LRRTM4: variants seen among roughly 807,000 people sequenced by gnomAD.
LRRTM4 encodes the protein leucine rich repeat transmembrane neuronal 4, also known as leucine-rich repeat transmembrane neuronal protein 4.
Under a neutral mutation model 47.6 loss-of-function variants are expected in LRRTM4, and 25 were observed. The ratio of observed to expected loss-of-function variants is 0.53; its 90% CI spans 0.38 to 0.73. The LOEUF is 0.73. Among genes scored for constraint, LRRTM4 ranks in the 30% least tolerant of loss-of-function variants. LRRTM4 has a pLI of 0.00. For missense variants in LRRTM4, 638 were observed against 713.4 expected, an observed-to-expected ratio of 0.89 and a Z score of 1.20; for synonymous variants, 311 against 269.5, an observed-to-expected ratio of 1.15 and a Z score of -1.51.
At chr2:76,786,359 C>G (rs979818051) in intron 3 of LRRTM4, among the ~76,000 whole-genome samples, 1 of 151,950 alleles carries the variant, frequency 6.6e-6, no homozygotes, top group East Asian at 1.9e-4. Context: ...AAAAAACCCA[C>G]AAATGATGAA....
chr2:77,092,087 C>G (rs919082754), intron 3 of LRRTM4, among the ~76,000 whole-genome samples: 1 of 151,992 alleles, frequency 6.6e-6, no homozygotes, highest in Non-Finnish European at 1.5e-5. Flanking sequence ...GCTCAACTCA[C>G]TCTCTACAGT....
rs570594268 is a variant in LRRTM4, at chr2:77,105,565, C to T, written c.1552-356649G>A. 8.6e-5 allele frequency among the ~76,000 whole-genome samples: 13 copies of T among 151,704 alleles called. No homozygotes were observed. The South Asian group carries it at 2.1e-3, about 24-fold the overall frequency. On this transcript the variant is annotated intron_variant, in intron 3 of 3. Coordinates refer to ENST00000409884, the MANE Select transcript of LRRTM4 (RefSeq NM_001134745.3). ...TGGAGATATACCTAATGTTAAATGA[C>T]GAGTTACTGGGTGCAGCACACCAAC...
chr2:76,845,718 C>T (rs549004937), intron 3 of LRRTM4, among the ~76,000 whole-genome samples: 1 of 152,238 alleles, frequency 6.6e-6, no homozygotes, highest in African/African-American at 2.4e-5. Flanking sequence ...AATAAAATGG[C>T]TATTTATAAA....
At chr2:77,240,671 T>C (rs1247410604) in intron 3 of LRRTM4, among the ~76,000 whole-genome samples, 1 of 151,922 alleles carries the variant, frequency 6.6e-6, no homozygotes, top group Non-Finnish European at 1.5e-5. Flanking sequence ...TCCCTAAGAA[T>C]CTAAAAAATG....
intron 3 of LRRTM4, among the ~76,000 whole-genome samples, chr2:77,227,450 G>A (rs910246036): frequency 6.6e-5 from 10 of 151,880 alleles, no homozygotes; most frequent in South Asian, 2.1e-4. Context: ...GAAACCATGA[G>A]GAAACAAAAG....
intron 3 of LRRTM4, among the ~76,000 whole-genome samples, chr2:77,485,264 A>T (rs976347206): frequency 1.3e-5 from 2 of 152,136 alleles, no homozygotes; most frequent in Admixed American, 1.3e-4. Flanking sequence ...ATCCGAGGAG[A>T]GAGACAAAGA....
At chr2:77,387,506 C>A (rs187791337) in intron 3 of LRRTM4, among the ~76,000 whole-genome samples, 1 of 152,220 alleles carries the variant, frequency 6.6e-6, no homozygotes, top group East Asian at 1.9e-4. Context: ...TCTCAGTTGT[C>A]ATGCAAATCC....
intron 3 of LRRTM4, among the ~76,000 whole-genome samples, chr2:76,899,421 G>T (rs894859054): frequency 6.6e-6 from 1 of 151,660 alleles, no homozygotes; most frequent in African/African-American, 2.4e-5. Context: ...AAAAAGTGTT[G>T]GAGGTGAATG....
rs1200488822 is a variant in LRRTM4, at chr2:76,798,330, C to A, written c.1552-49414G>T. ...ACCACTCAACTACATGGAAACTGAA[C>A]AACCTGCTCCTGAATGACTACTGGG... is the stretch of plus-strand genomic sequence containing the variant. On this transcript the variant is annotated intron_variant, in intron 3 of 3. Coordinates refer to ENST00000409884, the MANE Select transcript of LRRTM4 (RefSeq NM_001134745.3). Among the ~76,000 whole-genome samples the A allele has an allele frequency of 5.9e-5, 9 of 151,998 alleles. No individual in the cohort carries two copies. In the South Asian group the frequency reaches 1.2e-3, roughly 21 times the overall value.
chr2:77,100,362 T>A (rs183586193), intron 3 of LRRTM4, among the ~76,000 whole-genome samples: 1 of 152,174 alleles, frequency 6.6e-6, no homozygotes, highest in Admixed American at 6.5e-5. Context: ...TACAACATAA[T>A]AGGAAATAGC....
chr2:76,863,166 T>TACAA (rs2104016834), intron 3 of LRRTM4, among the ~76,000 whole-genome samples: 1 of 152,200 alleles, frequency 6.6e-6, no homozygotes, highest in South Asian at 2.1e-4. Context: ...ATTGTAAAAT[T>TACAA]TTACGGAGAG....
intron 3 of LRRTM4, among the ~76,000 whole-genome samples, chr2:76,761,881 T>C (rs1464292250): frequency 2.0e-5 from 3 of 152,204 alleles, no homozygotes; most frequent in Non-Finnish European, 4.4e-5. Context: ...GATGCTCAAA[T>C]ATTAATATGT....
At chr2:77,198,710 T>A (rs1673893800) in intron 3 of LRRTM4, among the ~76,000 whole-genome samples, 1 of 152,174 alleles carries the variant, frequency 6.6e-6, no homozygotes, top group Non-Finnish European at 1.5e-5. Flanking sequence ...ATCACTGACA[T>A]TTTCCAAGCT....
chr2:77,401,624 T>C (rs547447307), intron 3 of LRRTM4, among the ~76,000 whole-genome samples: 1 of 152,072 alleles, frequency 6.6e-6, no homozygotes, highest in East Asian at 1.9e-4. Flanking sequence ...AATATTTAAA[T>C]ATTGTATTTT....
At chr2:77,162,451 T>G (rs932050616) in intron 3 of LRRTM4, among the ~76,000 whole-genome samples, 3 of 152,188 alleles carry the variant, frequency 2.0e-5, no homozygotes, top group African/African-American at 7.2e-5. Flanking sequence ...AACGTCCCTG[T>G]CTGACAGCTT....
At chr2:77,228,436 A>G (rs115567680) in intron 3 of LRRTM4, among the ~76,000 whole-genome samples, 4,677 of 152,210 alleles carry the variant, frequency 0.031, 98 homozygotes, top group African/African-American at 0.067. Flanking sequence ...CATGAAAATT[A>G]CATAAGCTCC....
intron 3 of LRRTM4, 95 bp from the exon 4 acceptor site, chr2:76,749,011 C>T: frequency 1.1e-6 from 1 of 928,638 alleles, no homozygotes; most frequent in Non-Finnish European, 1.7e-6. Flanking sequence ...CTCTTTCATG[C>T]TGTTTCAAGT....
At chr2:76,964,280 A>G (rs1178615729) in intron 3 of LRRTM4, among the ~76,000 whole-genome samples, 1 of 151,082 alleles carries the variant, frequency 6.6e-6, no homozygotes, top group Non-Finnish European at 1.5e-5. Flanking sequence ...CAGATATGCA[A>G]GACTTTATTA....
At chr2:76,822,313 A>G (rs998843336) in intron 3 of LRRTM4, among the ~76,000 whole-genome samples, 1 of 151,622 alleles carries the variant, frequency 6.6e-6, no homozygotes, top group African/African-American at 2.4e-5. Context: ...GCTAGATATT[A>G]TAATAAAGGA....
Sources: allele counts gnomAD v4.1 joint callset (sites outside exome capture counted in the v4.1 genomes callset), GRCh38; gene constraint gnomAD v4.1.1; transcripts MANE v1.5; gene names NCBI Gene and HGNC (gene_info 2026-07-23, HGNC 2026-07-21).